Variants in EPHB1 observed in about 807,000 individuals in gnomAD.
EPHB1 encodes the protein ephrin type-B receptor 1.
Under a neutral mutation model 94.4 loss-of-function variants are expected in EPHB1, and 30 were observed. The ratio of observed to expected loss-of-function variants is 0.32; its 90% confidence interval spans 0.24 to 0.43. The LOEUF (loss-of-function observed/expected upper bound fraction) is 0.43. Ranked by LOEUF, EPHB1 falls within the 20% of genes least tolerant of loss-of-function variation. EPHB1 has a pLI of 1.00. For synonymous variants in EPHB1, 522 were observed against 489.1 expected, an observed-to-expected ratio of 1.07 and a Z score of -0.89; for missense variants, 1,055 against 1,308.3, an observed-to-expected ratio of 0.81 and a Z score of 2.99.
In EPHB1 at chr3:134,855,034, A is replaced by G. The variant is rs74496265; in HGVS notation, c.58+59345A>G. 1.3e-4 allele frequency among the ~76,000 whole-genome samples: 20 copies of G among 152,306 alleles called. No individual in the cohort carries two copies. The East Asian group carries it at 3.3e-3, about 25-fold the overall frequency. On this transcript the variant is annotated intron_variant, in intron 1 of 15. Transcript: ENST00000398015. ...GCACAACACACATATGTGGGCATAT[A>G]CATATATACACATGCGCACTCACAA...
chr3:134,799,550 G>A (rs1244953545), intron 1 of EPHB1, among the ~76,000 whole-genome samples: 1 of 152,226 alleles, frequency 6.6e-6, no homozygotes, highest in Non-Finnish European at 1.5e-5. Context: ...GCAATGGCTT[G>A]GGAAAAGTCT....
chr3:135,044,976 G>A (rs1442701113), intron 3 of EPHB1, among the ~76,000 whole-genome samples: 2 of 152,152 alleles, frequency 1.3e-5, no homozygotes, highest in Non-Finnish European at 2.9e-5. Context: ...AACAAGATAG[G>A]TTCCGGAGAT....
intron 1 of EPHB1, among the ~76,000 whole-genome samples, chr3:134,877,751 G>A (rs2037645950): frequency 6.6e-6 from 1 of 152,178 alleles, no homozygotes; most frequent in African/African-American, 2.4e-5. Flanking sequence ...AAAGCTGGGG[G>A]CTGTGTGTTA....
chr3:135,231,546 C>T lies in EPHB1; in HGVS notation c.2347-9602C>T, dbSNP rs141242743. On this transcript the variant is annotated intron_variant, in intron 12 of 15. Coordinates refer to ENST00000398015, the MANE Select transcript of EPHB1 (RefSeq NM_004441.5). ...GCAGCATTGCACAGAAGGGTTTCAG[C>T]GCTCACAAAGCTCAGGGGAGAGGCA... Among the ~76,000 whole-genome samples the T allele has an allele frequency of 1.1e-3, 165 of 152,262 alleles. 1 individual carries two copies. Among genetic ancestry groups the T allele is most frequent in the Admixed American group, 9.6e-3 (147 of 15,306 alleles).
chr3:134,965,817 C>G (rs9289487), intron 3 of EPHB1, among the ~76,000 whole-genome samples: 73,903 of 151,774 alleles, frequency 0.49, 18,706 homozygotes, highest in African/African-American at 0.6. Context: ...TCAGAGAGCT[C>G]ATAGCCTCAG....
At chr3:134,938,311 C>T (rs2039048762) in intron 2 of EPHB1, among the ~76,000 whole-genome samples, 1 of 152,152 alleles carries the variant, frequency 6.6e-6, no homozygotes, top group African/African-American at 2.4e-5. Flanking sequence ...GAGCCCCCTG[C>T]CCAGACCCAA....
chr3:134,845,115 T>C (rs1366614294), intron 1 of EPHB1, among the ~76,000 whole-genome samples: 1 of 152,250 alleles, frequency 6.6e-6, no homozygotes, highest in African/African-American at 2.4e-5. Context: ...ATGTGGAGTA[T>C]TCTACAGACC....
chr3:135,101,833 G>A (rs183164734), intron 3 of EPHB1, among the ~76,000 whole-genome samples: 4 of 152,186 alleles, frequency 2.6e-5, no homozygotes, highest in Admixed American at 2.6e-4. Context: ...ATCTTATAAG[G>A]AGACTCTGCA....
chr3:134,950,707 GC>G (rs34856517), intron 2 of EPHB1, among the ~76,000 whole-genome samples: 141 of 152,208 alleles, frequency 9.3e-4, no homozygotes, highest in African/African-American at 3.2e-3. Flanking sequence ...TGAAGGATCT[GC>G]CCCCATAATC....
At chr3:135,254,853 T>C in intron 15 of EPHB1, among the ~76,000 whole-genome samples, 1 of 152,180 alleles carries the variant, frequency 6.6e-6, no homozygotes, top group Non-Finnish European at 1.5e-5. Flanking sequence ...TCCTGGACTC[T>C]TTTTGGTTGG....
At chr3:135,138,425 A>C (rs1344095868) in intron 5 of EPHB1, among the ~76,000 whole-genome samples, 2 of 152,250 alleles carry the variant, frequency 1.3e-5, no homozygotes, top group African/African-American at 4.8e-5. Context: ...TAGTATTTGC[A>C]TGCATAAAGA....
At chr3:135,033,304 G>C (rs891381069) in intron 3 of EPHB1, among the ~76,000 whole-genome samples, 2 of 152,114 alleles carry the variant, frequency 1.3e-5, no homozygotes, top group Non-Finnish European at 1.5e-5. Context: ...CTGAAGAAAG[G>C]GTAGCATGCA....
chr3:135,157,317 G>A (rs893118731), intron 6 of EPHB1, among the ~76,000 whole-genome samples: 6 of 152,188 alleles, frequency 3.9e-5, no homozygotes, highest in African/African-American at 1.4e-4. Context: ...ATGACAGGCC[G>A]AGCACTGAAG....
intron 3 of EPHB1, among the ~76,000 whole-genome samples, chr3:135,059,431 G>A (rs2107775917): frequency 6.6e-6 from 1 of 152,274 alleles, no homozygotes; most frequent in Non-Finnish European, 1.5e-5. Context: ...CATTACTTGA[G>A]GAGTGAACTC....
At chr3:134,869,583 G>T (rs2037455954) in intron 1 of EPHB1, among the ~76,000 whole-genome samples, 1 of 152,190 alleles carries the variant, frequency 6.6e-6, no homozygotes. Flanking sequence ...TTCAGCTCTG[G>T]TCATCTGAAA....
chr3:135,259,470 T>G lies in EPHB1; in HGVS notation c.*350T>G, dbSNP rs752141831. On this transcript the variant is annotated 3_prime_UTR_variant, in exon 16 of 16. Transcript: ENST00000398015. The stretch of plus-strand genomic sequence containing the variant: ...AACCACAGGAAGAAAGGGAAGGAGG[T>G]AGAGGGAAGAAACAGAAGCAGTGTT... 4 of 224,544 alleles carry G rather than the reference T, an allele frequency of 1.8e-5. No homozygotes were observed. Among genetic ancestry groups the G allele is most frequent in the Admixed American group, 5.7e-5 (1 of 17,592 alleles). The allele number at this position is 224,544 out of a possible 1,614,324, so 13.9% of individuals were successfully genotyped here. A position where few individuals can be genotyped will look rare whatever the true frequency, so the allele number is the denominator to read the frequency against.
chr3:135,207,705 T>C (rs1942935460), intron 12 of EPHB1, among the ~76,000 whole-genome samples: 1 of 152,214 alleles, frequency 6.6e-6, no homozygotes, highest in Non-Finnish European at 1.5e-5. Flanking sequence ...TGGGCTCCCA[T>C]AGCAAGCTAC....
At chr3:135,224,104 A>C (rs1943336876) in intron 12 of EPHB1, among the ~76,000 whole-genome samples, 1 of 152,252 alleles carries the variant, frequency 6.6e-6, no homozygotes, top group Non-Finnish European at 1.5e-5. Context: ...AGTATTCTTC[A>C]TAGTACCATG....
chr3:135,156,558 A>G (rs992148362), intron 6 of EPHB1, among the ~76,000 whole-genome samples: 8 of 152,202 alleles, frequency 5.3e-5, no homozygotes, highest in Non-Finnish European at 1.0e-4. Context: ...CTGAAAGCGG[A>G]GGTCTAGATG....
Sources: gnomAD v4.1 joint callset for allele counts (sites outside exome capture counted in the v4.1 genomes callset) on GRCh38, gnomAD v4.1.1 for gene constraint, MANE v1.5 for transcripts, NCBI Gene and HGNC (gene_info 2026-07-23, HGNC 2026-07-21) for gene names.